Variants in ZCCHC14 observed in about 807,000 individuals in gnomAD.
ZCCHC14 encodes the protein zinc finger CCHC-type containing 14, also known as zinc finger CCHC domain-containing protein 14.
ZCCHC14 carries 16 observed loss-of-function variants against 85.0 expected under a neutral mutation model. That is an observed-to-expected ratio of 0.19 (90% CI 0.13 to 0.29). The LOEUF (loss-of-function observed/expected upper bound fraction) is 0.29. Among genes scored for constraint, ZCCHC14 ranks in the 10% least tolerant of loss-of-function variants. The probability of loss-of-function intolerance (pLI) is 1.00; values close to 1 mark genes in which losing one functional copy is unlikely to be tolerated. For missense variants in ZCCHC14, 1,303 were observed against 1,443.5 expected (o/e 0.90, Z 1.58); for synonymous variants, 775 against 630.7 (o/e 1.23, Z -3.43).
At chr16:87,425,318 T>C (rs1356303400) in intron 3 of ZCCHC14, among the ~76,000 whole-genome samples, 1 of 152,122 alleles carries the variant, frequency 6.6e-6, no homozygotes, top group Admixed American at 6.5e-5. Flanking sequence ...GGCTCACACC[T>C]GTAATCCCAG....
chr16:87,434,556 T>C (rs1342053170), intron 2 of ZCCHC14, among the ~76,000 whole-genome samples: 2 of 152,190 alleles, frequency 1.3e-5, no homozygotes, highest in African/African-American at 4.8e-5. Context: ...CAACACAACT[T>C]CTCAGAACTG....
chr16:87,434,760 G>A (rs1909832916), intron 2 of ZCCHC14, among the ~76,000 whole-genome samples: 1 of 152,178 alleles, frequency 6.6e-6, no homozygotes, highest in African/African-American at 2.4e-5. Context: ...GGGGGGCCGA[G>A]GCAGGCAAAT....
At position 87,411,359 on chromosome 16, in the gene ZCCHC14, C is replaced by T; in HGVS notation, c.3205+157G>A. On this transcript the variant is annotated intron_variant, in intron 12 of 12. Transcript: ENST00000671377. ...GACCCAACAGCAGTCCTTCTGGGGACCTCACGGCCTATCATGAAGATTTCC... is the reference window on the plus strand; with the variant it reads ...GACCCAACAGCAGTCCTTCTGGGGATCTCACGGCCTATCATGAAGATTTCC... 2.0e-6 allele frequency: 3 copies of T among 1,505,710 alleles called. No homozygotes were observed. The South Asian group carries it at 4.0e-5, about 20-fold the overall frequency. The allele number at this position is 1,505,710 out of a possible 1,614,324, so 93.3% of individuals were successfully genotyped here. A position where few individuals can be genotyped will look rare whatever the true frequency, so the allele number is the denominator to read the frequency against.
intron 1 of ZCCHC14, among the ~76,000 whole-genome samples, chr16:87,462,596 CA>C (rs544586375): frequency 0.017 from 2,534 of 151,944 alleles, 25 homozygotes; most frequent in Middle Eastern, 0.048. Flanking sequence ...AAAAATTAGC[CA>C]GGCATGGTGG....
At chr16:87,446,787 A>T (rs963975915) in intron 2 of ZCCHC14, among the ~76,000 whole-genome samples, 1 of 151,734 alleles carries the variant, frequency 6.6e-6, no homozygotes. Flanking sequence ...CCTCCCAAGC[A>T]ATTCTCTTGT....
At chr16:87,488,597 GAC>G (rs1474995972) in intron 1 of ZCCHC14, among the ~76,000 whole-genome samples, 14 of 152,260 alleles carry the variant, frequency 9.2e-5, no homozygotes, top group African/African-American at 2.9e-4. Context: ...AATTTTTTGA[GAC>G]ACAGTCTCAC....
chr16:87,413,122 G>T lies in ZCCHC14; in HGVS notation c.1677C>A (p.Ser559=). The part of the protein sequence containing the change: ...REGSSSEYSS[S]SSSPMGVQAR... ...CCTGTACCCCCATGGGGCTGGAGGA[G>T]GAGCTGGAGTACTCCGAGGAACTGC... The change falls in exon 11 of 13, where the codon TCC becomes TCA. Residue 559 remains serine (S), a synonymous_variant. Transcript: ENST00000671377. 1 of 1,613,498 alleles carries T rather than the reference G, an allele frequency of 6.2e-7. No individual in the cohort carries two copies. The highest frequency in any genetic ancestry group is 1.1e-5 in the South Asian group (1 of 91,002).
chr16:87,423,925 A>G (rs1909235123), intron 3 of ZCCHC14, 44 bp from the exon 4 acceptor site: 1 of 1,603,440 alleles, frequency 6.2e-7, no homozygotes. Context: ...CAGACACCAC[A>G]TACTTGGTTC....
At chr16:87,413,453 GGCACCCCCAGC>G (rs1382456381) in intron 10 of ZCCHC14, among the ~76,000 whole-genome samples, 1 of 152,284 alleles carries the variant, frequency 6.6e-6, no homozygotes, top group African/African-American at 2.4e-5. Flanking sequence ...CCCTGTGAAG[GGCACCCCCAGC>G]GCACCCCCAG....
In ZCCHC14 at chr16:87,414,561, A is replaced by G; in HGVS notation, c.1476-20T>C. 1 of 1,603,648 alleles carries G rather than the reference A, an allele frequency of 6.2e-7. No homozygotes were observed. Among genetic ancestry groups the G allele is most frequent in the Non-Finnish European group, 8.5e-7 (1 of 1,174,322 alleles). ...TTCTCCCTGTGAAATAATCAAGCAC[A>G]GGAACAAGTGAGCACTGCCTACTGG... is the stretch of plus-strand genomic sequence containing the variant. On this transcript the variant is annotated intron_variant, in intron 9 of 12. Coordinates refer to ENST00000671377, the MANE Select transcript of ZCCHC14 (RefSeq NM_015144.3).
At chr16:87,426,233 C>T (rs971600567) in intron 3 of ZCCHC14, among the ~76,000 whole-genome samples, 2 of 152,272 alleles carry the variant, frequency 1.3e-5, no homozygotes, top group South Asian at 2.1e-4. Context: ...GAAGGGGAAC[C>T]GGCCGTTAGA....
At chr16:87,418,300 T>C (rs1035680367) in intron 7 of ZCCHC14, among the ~76,000 whole-genome samples, 1 of 152,214 alleles carries the variant, frequency 6.6e-6, no homozygotes, top group African/African-American at 2.4e-5. Flanking sequence ...GCCTTGCTCC[T>C]TAACTGCAAA....
In ZCCHC14 at chr16:87,432,213, T is replaced by G. The variant is rs112486257; in HGVS notation, c.768+915A>C. 5.3e-5 allele frequency among the ~76,000 whole-genome samples: 8 copies of G among 152,180 alleles called. No homozygotes were observed. In the South Asian group the frequency reaches 6.2e-4, roughly 12 times the overall value. On this transcript the variant is annotated intron_variant, in intron 3 of 12. Coordinates refer to ENST00000671377, the MANE Select transcript of ZCCHC14 (RefSeq NM_015144.3). The stretch of plus-strand genomic sequence containing the variant: ...AAGAGCAGTCAGCACTCGATGCACA[T>G]GTGGTCCAAGGAGAATGTCCCCCTG...
In ZCCHC14 at chr16:87,411,639, G is replaced by C. The variant is rs1436551421; in HGVS notation, c.3082C>G (p.Leu1028Val). The part of the protein sequence containing the change: ...GTAGVYQTQG[L>V]VGSSNGSSHK... ...CTGGAACCATTGCTACTGCCCACCA[G>C]TCCTTGGGTCTGGTACACCCCTGCT... Residue 1028 changes from leucine to valine, a missense_variant, in exon 12 of 13, where the codon CTG (leucine) becomes GTG (valine). Physicochemically the swap from Leu to Val is conservative, Grantham distance 32. This residue lies in a region of ZCCHC14 where 797 missense variants were observed against 730.8 expected (regional missense o/e 1.09). Coordinates refer to ENST00000671377, the MANE Select transcript of ZCCHC14 (RefSeq NM_015144.3). The C allele has an allele frequency of 1.2e-6, 2 of 1,613,970 alleles. No homozygotes were observed. The highest frequency in any genetic ancestry group is 1.7e-6 in the Non-Finnish European group (2 of 1,179,972).
chr16:87,481,445 A>G (rs1912261529), intron 1 of ZCCHC14, among the ~76,000 whole-genome samples: 1 of 149,596 alleles, frequency 6.7e-6, no homozygotes, highest in Non-Finnish European at 1.5e-5. Flanking sequence ...CTTCCCTGGC[A>G]TACTGCCTCA....
intron 2 of ZCCHC14, among the ~76,000 whole-genome samples, chr16:87,449,296 A>G (rs1234738610): frequency 6.6e-6 from 1 of 152,156 alleles, no homozygotes; most frequent in Non-Finnish European, 1.5e-5. Context: ...CATAAAAACA[A>G]TTGGGCACAC....
At position 87,418,890 on chromosome 16, in the gene ZCCHC14, G is replaced by T. The variant is rs1357171258; in HGVS notation, c.1057C>A (p.Pro353Thr). Residue 353 changes from proline to threonine, a missense_variant, in exon 7 of 13, where the codon CCC (proline) becomes ACC (threonine). By Grantham distance (38) the Pro-to-Thr change is conservative. This residue lies in a region of ZCCHC14 where 389 missense variants were observed against 397.8 expected (regional missense o/e 0.98). Transcript: ENST00000671377. Reference protein sequence around the residue: ...QQLQSPSPGNPSLSKVGTVMG... With the variant: ...QQLQSPSPGNTSLSKVGTVMG... ...ACGGTACCTACTTTAGAAAGGGAGG[G>T]ATTGCCAGGACCTATAAATTTAAAA... is the stretch of plus-strand genomic sequence containing the variant. The T allele has an allele frequency of 2.5e-6, 4 of 1,612,512 alleles. No individual in the cohort carries two copies. Among genetic ancestry groups the T allele is most frequent in the African/African-American group, 1.3e-5 (1 of 74,984 alleles).
At chr16:87,440,291 A>C (rs976828244) in intron 2 of ZCCHC14, among the ~76,000 whole-genome samples, 1 of 151,822 alleles carries the variant, frequency 6.6e-6, no homozygotes, top group East Asian at 1.9e-4. Flanking sequence ...CAGCCTCCTG[A>C]GTAGCTGGGA....
chr16:87,445,987 C>T (rs535742985), intron 2 of ZCCHC14, among the ~76,000 whole-genome samples: 4 of 152,002 alleles, frequency 2.6e-5, no homozygotes, highest in Non-Finnish European at 4.4e-5. Flanking sequence ...CTCCAAACAT[C>T]GACAGTATTT....
Sources: gnomAD v4.1 joint callset for allele counts (sites outside exome capture counted in the v4.1 genomes callset) on GRCh38, gnomAD v4.1.1 for gene constraint, gnomAD v4.1.1 regional missense constraint, MANE v1.5 for transcripts, NCBI Gene and HGNC (gene_info 2026-07-23, HGNC 2026-07-21) for gene names.